Variants in TMEM135 observed in about 807,000 individuals in gnomAD.
The protein encoded by TMEM135 is peroxisomal membrane protein 52.
A neutral mutation model predicts 60.3 loss-of-function variants in TMEM135; 30 were observed. The observed-to-expected ratio is 0.50, with a 90% CI of 0.37 to 0.68. The LOEUF (loss-of-function observed/expected upper bound fraction) is 0.68, where lower values mean the gene tolerates loss of function less well. TMEM135 is among the 30% of genes least tolerant of loss of function. The pLI is 0.00. For synonymous variants in TMEM135, 190 were observed against 186.7 expected (o/e 1.02, Z -0.14); for missense variants, 468 against 548.8 (o/e 0.85, Z 1.47).
chr11:87,251,597 A>T (rs952807702), intron 6 of TMEM135, among the ~76,000 whole-genome samples: 2 of 83,178 alleles, frequency 2.4e-5, no homozygotes, highest in African/African-American at 8.9e-5. Context: ...TTTATATATT[A>T]TGATTATGTT....
intron 7 of TMEM135, among the ~76,000 whole-genome samples, chr11:87,298,903 T>C (rs1942396157): frequency 6.6e-6 from 1 of 150,948 alleles, no homozygotes; most frequent in South Asian, 2.1e-4. Context: ...CTGACCAACA[T>C]GGTGAAACCC....
At chr11:87,247,413 C>G (rs945017166) in intron 6 of TMEM135, among the ~76,000 whole-genome samples, 37 of 152,298 alleles carry the variant, frequency 2.4e-4, no homozygotes, top group African/African-American at 7.7e-4. Context: ...TAAGTCTGCA[C>G]AGGTTACTGC....
intron 4 of TMEM135, among the ~76,000 whole-genome samples, chr11:87,128,258 T>C (rs1937793798): frequency 6.6e-6 from 1 of 152,234 alleles, no homozygotes; most frequent in African/African-American, 2.4e-5. Context: ...TATATGCATG[T>C]ATGTTAGCAT....
At chr11:87,122,858 C>A (rs1937625422) in intron 4 of TMEM135, among the ~76,000 whole-genome samples, 1 of 152,176 alleles carries the variant, frequency 6.6e-6, no homozygotes, top group South Asian at 2.1e-4. Context: ...CCTGAACCCT[C>A]TCTCAGGTAT....
chr11:87,058,348 T>G (rs139151101), intron 1 of TMEM135, among the ~76,000 whole-genome samples: 143 of 152,262 alleles, frequency 9.4e-4, no homozygotes, highest in African/African-American at 3.1e-3. Flanking sequence ...ATTATTATTT[T>G]TTTGACAGTC....
intron 6 of TMEM135, among the ~76,000 whole-genome samples, chr11:87,239,195 AG>A (rs1941074988): frequency 6.6e-6 from 1 of 152,106 alleles, no homozygotes; most frequent in Non-Finnish European, 1.5e-5. Flanking sequence ...AATACTTTCC[AG>A]AAGGCTCAAT....
chr11:87,246,461 G>C (rs369699284), intron 6 of TMEM135, among the ~76,000 whole-genome samples: 18 of 152,148 alleles, frequency 1.2e-4, no homozygotes, highest in East Asian at 5.8e-4. Flanking sequence ...CAACTTGGTT[G>C]CATTCTCCCT....
intron 6 of TMEM135, among the ~76,000 whole-genome samples, chr11:87,248,921 G>A (rs972992361): frequency 5.3e-5 from 8 of 152,102 alleles, no homozygotes; most frequent in African/African-American, 1.9e-4. Context: ...TTCATTGTTG[G>A]GATATAGAAA....
At chr11:87,093,039 C>T (rs11234961) in intron 4 of TMEM135, among the ~76,000 whole-genome samples, 2 of 151,974 alleles carry the variant, frequency 1.3e-5, no homozygotes, top group Non-Finnish European at 2.9e-5. Flanking sequence ...TCCCCATTCT[C>T]TATATTCTAT....
intron 5 of TMEM135, among the ~76,000 whole-genome samples, chr11:87,227,560 A>T (rs1341523246): frequency 2.6e-5 from 4 of 152,256 alleles, no homozygotes; most frequent in South Asian, 4.1e-4. Flanking sequence ...TGAACTAATT[A>T]AAAAAATGGA....
chr11:87,063,896 C>A (rs938958634), intron 1 of TMEM135, among the ~76,000 whole-genome samples: 51 of 152,254 alleles, frequency 3.3e-4, no homozygotes, highest in Admixed American at 2.1e-3. Flanking sequence ...TTTGTAATGA[C>A]AGATAATGCT....
At chr11:87,277,057 A>G (rs1461139547) in intron 6 of TMEM135, 1 of 152,782 alleles carries the variant, frequency 6.5e-6, no homozygotes, top group Non-Finnish European at 1.5e-5. Context: ...TTTTAGGATT[A>G]ATAAAATTTT....
intron 12 of TMEM135, among the ~76,000 whole-genome samples, chr11:87,316,583 G>A (rs1009488108): frequency 2.0e-5 from 3 of 152,020 alleles, no homozygotes; most frequent in Admixed American, 2.0e-4. Context: ...CAGGATGATA[G>A]CAGTAGAGAT....
At chr11:87,162,193 CTTTTA>C (rs1322416679) in intron 5 of TMEM135, among the ~76,000 whole-genome samples, 1 of 147,344 alleles carries the variant, frequency 6.8e-6, no homozygotes, top group Non-Finnish European at 1.5e-5. Flanking sequence ...GGAGGTATAT[CTTTTA>C]TTTTTTTTTG....
chr11:87,091,036 C>G (rs773080834), intron 3 of TMEM135, among the ~76,000 whole-genome samples: 2 of 151,932 alleles, frequency 1.3e-5, no homozygotes, highest in Non-Finnish European at 2.9e-5. Flanking sequence ...TTAGATTTCT[C>G]TAGCATAAAC....
At chr11:87,150,895 T>C (rs575584100) in intron 4 of TMEM135, among the ~76,000 whole-genome samples, 1 of 152,184 alleles carries the variant, frequency 6.6e-6, no homozygotes, top group Non-Finnish European at 1.5e-5. Context: ...TGGCCGTAGG[T>C]AGATATTTTT....
intron 3 of TMEM135, among the ~76,000 whole-genome samples, chr11:87,076,522 C>G (rs1856877089): frequency 6.6e-6 from 1 of 152,206 alleles, no homozygotes; most frequent in Non-Finnish European, 1.5e-5. Flanking sequence ...CTGCTTGTTG[C>G]TTTACCCCAC....
At chr11:87,167,215 TG>T (rs1300212072) in intron 5 of TMEM135, among the ~76,000 whole-genome samples, 6 of 152,186 alleles carry the variant, frequency 3.9e-5, no homozygotes, top group Admixed American at 3.3e-4. Context: ...GCTGAGACGA[TG>T]GGGTTTTCTA....
chr11:87,121,832 GA>G (rs1937602468), intron 4 of TMEM135, among the ~76,000 whole-genome samples: 1 of 151,934 alleles, frequency 6.6e-6, no homozygotes. Flanking sequence ...TAGAGACGGG[GA>G]TTCACCATGT....
Sources: gnomAD v4.1 joint callset for allele counts (sites outside exome capture counted in the v4.1 genomes callset) on GRCh38, gnomAD v4.1.1 for gene constraint, MANE v1.5 for transcripts, NCBI Gene and HGNC (gene_info 2026-07-23, HGNC 2026-07-21) for gene names.